BICD1: variants seen among roughly 807,000 people sequenced by gnomAD.
The protein encoded by BICD1 is protein bicaudal D homolog 1.
A neutral mutation model predicts 92.5 loss-of-function variants in BICD1; 35 were observed. The ratio of observed to expected loss-of-function variants is 0.38; its 90% CI spans 0.29 to 0.50. The LOEUF is 0.50. BICD1 is among the 20% of genes least tolerant of loss of function. BICD1 has a pLI of 0.93. For missense variants in BICD1, 950 were observed against 1,189.8 expected, an observed-to-expected ratio of 0.80 and a Z score of 2.97; for synonymous variants, 429 against 465.1, an observed-to-expected ratio of 0.92 and a Z score of 1.00.
chr12:32,140,144 G>A (rs1942865017), intron 1 of BICD1, among the ~76,000 whole-genome samples: 1 of 152,192 alleles, frequency 6.6e-6, no homozygotes, highest in Non-Finnish European at 1.5e-5. Context: ...TGTTATTGTG[G>A]AGTGGATAAT....
intron 8 of BICD1, among the ~76,000 whole-genome samples, chr12:32,346,626 ATATATATACGTG>A (rs1290872178): frequency 5.3e-5 from 1 of 18,708 alleles, no homozygotes. Flanking sequence ...GTATATATAT[ATATATATACGTG>A]TATATATATA....
chr12:32,156,721 G>A (rs1236137559), intron 1 of BICD1, among the ~76,000 whole-genome samples: 1 of 152,124 alleles, frequency 6.6e-6, no homozygotes, highest in African/African-American at 2.4e-5. Flanking sequence ...CCTATGCTTG[G>A]TATTATTTAC....
At chr12:32,116,558 C>T (rs551413299) in intron 1 of BICD1, among the ~76,000 whole-genome samples, 1 of 150,758 alleles carries the variant, frequency 6.6e-6, no homozygotes, top group Non-Finnish European at 1.5e-5. Context: ...CTCACTCTGT[C>T]GCTCTGACTG....
chr12:32,362,827 CTG>C (rs63272960), intron 8 of BICD1, among the ~76,000 whole-genome samples: 73,513 of 151,848 alleles, frequency 0.48, 17,941 homozygotes, highest in Middle Eastern at 0.55. Flanking sequence ...ATGGCAAATT[CTG>C]TGTTTGTTTC....
chr12:32,198,227 C>T (rs1245886056), intron 1 of BICD1, among the ~76,000 whole-genome samples: 1 of 150,164 alleles, frequency 6.7e-6, no homozygotes, highest in East Asian at 2.0e-4. Flanking sequence ...AAAAATTATA[C>T]TGATGATTTG....
intron 3 of BICD1, among the ~76,000 whole-genome samples, chr12:32,297,764 T>C (rs1384281288): frequency 6.6e-6 from 1 of 152,186 alleles, no homozygotes; most frequent in African/African-American, 2.4e-5. Context: ...TACAGTGTAA[T>C]TATTGTTTAA....
intron 2 of BICD1, among the ~76,000 whole-genome samples, chr12:32,220,146 G>T (rs1945472557): frequency 6.6e-6 from 1 of 152,132 alleles, no homozygotes; most frequent in Admixed American, 6.5e-5. Flanking sequence ...AACCCTAGAA[G>T]AAAACCTAGC....
Position 32,216,475 on chromosome 12 carries a change from C to A in BICD1, c.426+16C>A. 4 of 1,609,304 alleles carry A rather than the reference C, an allele frequency of 2.5e-6. No homozygotes were observed. The stretch of plus-strand genomic sequence containing the variant: ...TCTGAAGGAGGTAAATAAACAAATT[C>A]CCTATGAGAGATTTGTGAGAGGGAG... On this transcript the variant is annotated intron_variant, in intron 2 of 9. Transcript: ENST00000652176.
chr12:32,375,327 G>A (rs1939910491), intron 9 of BICD1, among the ~76,000 whole-genome samples: 2 of 152,114 alleles, frequency 1.3e-5, no homozygotes, highest in East Asian at 2.0e-4. Flanking sequence ...TCAGGAGTTC[G>A]AGACCAGCCT....
chr12:32,309,488 A>C (rs1016242872), intron 4 of BICD1, among the ~76,000 whole-genome samples: 1 of 152,232 alleles, frequency 6.6e-6, no homozygotes, highest in Non-Finnish European at 1.5e-5. Context: ...TAATATTAAC[A>C]TTTCTGCAGT....
chr12:32,142,359 TC>T (rs1267405681), intron 1 of BICD1, among the ~76,000 whole-genome samples: 2 of 135,320 alleles, frequency 1.5e-5, no homozygotes, highest in Admixed American at 8.7e-5. Flanking sequence ...TGAGCTGAGA[TC>T]GTGTCACCAC....
intron 2 of BICD1, among the ~76,000 whole-genome samples, chr12:32,252,612 A>G (rs1282314745): frequency 3.3e-5 from 5 of 152,122 alleles, no homozygotes; most frequent in Admixed American, 2.6e-4. Context: ...TATAAGGGTA[A>G]GCTTTGTTAA....
At chr12:32,127,167 G>A (rs1007129975) in intron 1 of BICD1, among the ~76,000 whole-genome samples, 11 of 151,954 alleles carry the variant, frequency 7.2e-5, no homozygotes, top group Non-Finnish European at 1.3e-4. Flanking sequence ...TAATTTAGTT[G>A]ATTTATCACT....
intron 1 of BICD1, among the ~76,000 whole-genome samples, chr12:32,189,684 G>T (rs1944511694): frequency 6.6e-6 from 1 of 151,492 alleles, no homozygotes; most frequent in East Asian, 1.9e-4. Context: ...TGGGGGATAA[G>T]TAAAAGTGTA....
rs534465063 is a variant in BICD1, at chr12:32,242,620, A to T, written c.426+26161A>T. Among the ~76,000 whole-genome samples the T allele has an allele frequency of 4.6e-5, 7 of 152,354 alleles. No homozygotes were observed. In the South Asian group the frequency reaches 1.4e-3, roughly 32 times the overall value. ...TTTATTACCTAAAACTTTGCAAATA[A>T]TTGAAGTTAGAAGCTTTGGATTTTG... On this transcript the variant is annotated intron_variant, in intron 2 of 9. Coordinates refer to ENST00000652176, the MANE Select transcript of BICD1 (RefSeq NM_001714.4).
Position 32,206,530 on chromosome 12 carries a change from T to C in BICD1, c.214-9717T>C, listed in dbSNP as rs139972307. The stretch of plus-strand genomic sequence containing the variant: ...CTGAGGTAGGAGAATCACTTGAACC[T>C]GGGAGATGGAGGTTGCAGTGAGCCG... On this transcript the variant is annotated intron_variant, in intron 1 of 9. Transcript: ENST00000652176. Among the ~76,000 whole-genome samples, 1,333 of 152,178 alleles carry C rather than the reference T, an allele frequency of 8.8e-3. 9 individuals are homozygous for C. Among genetic ancestry groups the C allele is most frequent in the Non-Finnish European group, 0.014 (923 of 67,992 alleles).
In BICD1 at chr12:32,127,036, C is replaced by CTTAGT. The variant is rs1446424926; in HGVS notation, c.213+19492_213+19493insTTAGT. On this transcript the variant is annotated intron_variant, in intron 1 of 9. Transcript: ENST00000652176. ...ATTTGTAAGAGTATACACCTATACT[C>CTTAGT]ATATTCTGTATACTAAGCCTTTTTA... 5.3e-5 allele frequency among the ~76,000 whole-genome samples: 8 copies of CTTAGT among 152,234 alleles called. No individual in the cohort carries two copies. The South Asian group carries it at 8.3e-4, about 16-fold the overall frequency.
chr12:32,344,207 G>A (rs1188982245), intron 8 of BICD1, among the ~76,000 whole-genome samples: 1 of 152,178 alleles, frequency 6.6e-6, no homozygotes, highest in African/African-American at 2.4e-5. Flanking sequence ...GGCCATGAAA[G>A]GTGACTATAT....
At chr12:32,315,229 C>G (rs918819504) in intron 4 of BICD1, among the ~76,000 whole-genome samples, 1 of 152,180 alleles carries the variant, frequency 6.6e-6, no homozygotes, top group Non-Finnish European at 1.5e-5. Flanking sequence ...TTTCTTTCCC[C>G]TATTGAATTA....
Sources: gnomAD v4.1 joint callset for allele counts (sites outside exome capture counted in the v4.1 genomes callset) on GRCh38, gnomAD v4.1.1 for gene constraint, MANE v1.5 for transcripts, NCBI Gene and HGNC (gene_info 2026-07-23, HGNC 2026-07-21) for gene names.